PAK3: variants seen among roughly 807,000 people sequenced by gnomAD.
PAK3 encodes the protein serine/threonine-protein kinase PAK 3.
In PAK3, 4 loss-of-function variants were observed where a neutral mutation model predicts 41.0. That is an observed-to-expected ratio of 0.10 (90% confidence interval 0.05 to 0.22). The LOEUF (loss-of-function observed/expected upper bound fraction) is 0.22. Ranked by LOEUF, PAK3 falls within the 10% of genes least tolerant of loss-of-function variation. The pLI is 1.00. For missense variants in PAK3, 205 were observed against 409.9 expected (o/e 0.50, Z 4.32); for synonymous variants, 146 against 139.6 (o/e 1.05, Z -0.32).
chrX:111,162,743 A>G (rs1432168537), intron 8 of PAK3, among the ~76,000 whole-genome samples, 172 bp from the exon 9 acceptor site: 1 of 111,728 alleles, frequency 9.0e-6, no homozygotes, highest in Non-Finnish European at 1.9e-5. Context: ...CAGAGATTGT[A>G]TTCAGGTGAG....
At chrX:111,169,821 G>A (rs2094312562) in intron 10 of PAK3, among the ~76,000 whole-genome samples, 1 of 112,092 alleles carries the variant, frequency 8.9e-6, no homozygotes, top group East Asian at 2.8e-4. Context: ...CCATTAGTTT[G>A]TTATGCTTAG....
intron 1 of PAK3, among the ~76,000 whole-genome samples, chrX:110,992,773 G>T (rs2091672984): frequency 9.0e-6 from 1 of 111,482 alleles, no homozygotes; most frequent in Non-Finnish European, 1.9e-5. Flanking sequence ...CTTTTGATGG[G>T]TTTACTGAAA....
At chrX:110,971,132 A>G (rs192189421) in intron 1 of PAK3, among the ~76,000 whole-genome samples, 1 of 112,169 alleles carries the variant, frequency 8.9e-6, no homozygotes, top group Admixed American at 9.5e-5. Flanking sequence ...CATTTAAAGT[A>G]CAAGATTAAA....
intron 1 of PAK3, among the ~76,000 whole-genome samples, chrX:110,974,088 G>C (rs1406710493): frequency 9.0e-6 from 1 of 111,174 alleles, no homozygotes; most frequent in African/African-American, 3.3e-5. Context: ...CCTACAAAGG[G>C]ACTTAGACTC....
At chrX:111,176,470 C>A (rs1338249541) in intron 11 of PAK3, among the ~76,000 whole-genome samples, 1 of 110,439 alleles carries the variant, frequency 9.1e-6, no homozygotes, top group Non-Finnish European at 1.9e-5. Flanking sequence ...ACCTGCACGT[C>A]CTGCACTTGT....
In PAK3 at chrX:110,949,668, G is replaced by T. The variant is rs186950294; in HGVS notation, c.-28+5040G>T. ...ACTCGGAGGGAAATGGAAATGCTGGGATGAGCTTTGTGCCAAATAGACAGG... is the reference window on the plus strand; with the variant it reads ...ACTCGGAGGGAAATGGAAATGCTGGTATGAGCTTTGTGCCAAATAGACAGG... On this transcript the variant is annotated intron_variant, in intron 1 of 14. Transcript: ENST00000425146. Among the ~76,000 whole-genome samples, 466 of 111,450 alleles carry T rather than the reference G, an allele frequency of 4.2e-3. 4 individuals are homozygous for T. Among genetic ancestry groups the T allele is most frequent in the African/African-American group, 0.015 (454 of 30,717 alleles).
intron 4 of PAK3, among the ~76,000 whole-genome samples, chrX:111,121,771 T>G (rs2093574302): frequency 8.9e-6 from 1 of 111,756 alleles, no homozygotes; most frequent in Non-Finnish European, 1.9e-5. Flanking sequence ...AACTGGGGAT[T>G]CATTTGGAAG....
At chrX:111,174,452 C>T (rs1385880812) in intron 11 of PAK3, among the ~76,000 whole-genome samples, 3 of 111,081 alleles carry the variant, frequency 2.7e-5, no homozygotes, top group African/African-American at 9.8e-5. Flanking sequence ...TTGAACTTTC[C>T]AGGGGGCTAA....
intron 1 of PAK3, among the ~76,000 whole-genome samples, chrX:110,963,976 G>A (rs1030143384): frequency 2.7e-5 from 3 of 111,911 alleles, no homozygotes; most frequent in Non-Finnish European, 5.6e-5. Context: ...GTCAACATCC[G>A]AATCATCTGA....
chrX:111,217,665 G>A (rs1481049135), intron 17 of PAK3: 2 of 734,612 alleles, frequency 2.7e-6, no homozygotes, highest in Non-Finnish European at 3.2e-6. Flanking sequence ...CTACCTGCAA[G>A]CATTTCACAG....
chrX:111,114,260 G>A (rs1447559324), intron 4 of PAK3, among the ~76,000 whole-genome samples: 3 of 111,969 alleles, frequency 2.7e-5, no homozygotes, highest in Admixed American at 9.5e-5. Flanking sequence ...CACTGCTGGA[G>A]CCTATAACCT....
chrX:111,207,886 C>T (rs1461218444), intron 16 of PAK3, among the ~76,000 whole-genome samples: 2 of 112,258 alleles, frequency 1.8e-5, no homozygotes, highest in Admixed American at 1.9e-4. Context: ...CCTCCAACCC[C>T]CAGGTTCAAG....
intron 1 of PAK3, among the ~76,000 whole-genome samples, chrX:111,090,762 G>A (rs931884847): frequency 1.8e-5 from 2 of 111,506 alleles, no homozygotes; most frequent in African/African-American, 3.3e-5. Context: ...TAGTCCAGCC[G>A]GTCCAAAAAA....
intron 11 of PAK3, among the ~76,000 whole-genome samples, chrX:111,190,056 C>T (rs1472754803): frequency 1.8e-5 from 2 of 111,791 alleles, no homozygotes; most frequent in Non-Finnish European, 3.8e-5. Flanking sequence ...CCCAGAATCT[C>T]ACACTTACAG....
At chrX:111,192,759 A>G in intron 13 of PAK3, 141 bp downstream of exon 13, 2 of 442,715 alleles carry the variant, frequency 4.5e-6, no homozygotes, top group South Asian at 7.4e-5. Flanking sequence ...TATTAGATCT[A>G]TTGCTAAACT....
intron 11 of PAK3, among the ~76,000 whole-genome samples, chrX:111,189,782 C>T (rs762147839): frequency 2.7e-5 from 3 of 111,470 alleles, no homozygotes; most frequent in East Asian, 2.8e-4. Context: ...GGACTTATTG[C>T]GGCTGAAATA....
intron 4 of PAK3, among the ~76,000 whole-genome samples, chrX:111,116,370 G>A (rs1433298280): frequency 9.0e-6 from 1 of 111,348 alleles, no homozygotes; most frequent in Non-Finnish European, 1.9e-5. Flanking sequence ...GAAACAAAAA[G>A]CTGAAACCTG....
At chrX:111,031,713 T>G (rs2092342634) in intron 1 of PAK3, among the ~76,000 whole-genome samples, 1 of 111,818 alleles carries the variant, frequency 8.9e-6, no homozygotes. Context: ...ACTTTTGCCC[T>G]CTCTTCTTCT....
chrX:110,969,454 T>G, intron 1 of PAK3, among the ~76,000 whole-genome samples: 1 of 96,627 alleles, frequency 1.0e-5, no homozygotes, highest in South Asian at 5.3e-4. Flanking sequence ...TGGCTAATTT[T>G]TTTTTTTTTT....
Sources: gnomAD v4.1 joint callset for allele counts (sites outside exome capture counted in the v4.1 genomes callset) on GRCh38, gnomAD v4.1.1 for gene constraint, MANE v1.5 for transcripts, NCBI Gene and HGNC (gene_info 2026-07-23, HGNC 2026-07-21) for gene names.